PPP1R14C: variants seen among roughly 807,000 people sequenced by gnomAD.
PPP1R14C encodes the protein protein phosphatase 1 regulatory inhibitor subunit 14C, also known as protein phosphatase 1 regulatory subunit 14C.
A neutral mutation model predicts 20.4 loss-of-function variants in PPP1R14C; 16 were observed. That is an observed-to-expected ratio of 0.78 (90% confidence interval 0.53 to 1.19). The LOEUF (loss-of-function observed/expected upper bound fraction) is 1.19, where lower values mean the gene tolerates loss of function less well. PPP1R14C is among the 50% of genes most tolerant of loss of function. The pLI is 0.00. For synonymous variants in PPP1R14C, 91 were observed against 91.0 expected (o/e 1.00, Z 0.00); for missense variants, 211 against 220.1 (o/e 0.96, Z 0.26).
chr6:150,174,083 A>G (rs138103426), intron 1 of PPP1R14C, among the ~76,000 whole-genome samples: 19 of 145,674 alleles, frequency 1.3e-4, no homozygotes, highest in African/African-American at 4.5e-4. Context: ...TGCAGTGTAC[A>G]GACATGATGC....
chr6:150,241,502 A>C (rs1778430388), intron 3 of PPP1R14C, among the ~76,000 whole-genome samples: 1 of 152,198 alleles, frequency 6.6e-6, no homozygotes, highest in Non-Finnish European at 1.5e-5. Context: ...ACAACCTGGA[A>C]CCTAGAATTG....
rs1777669913 is a variant in PPP1R14C at position 150,185,765 on chromosome 6, A to G, written c.307-28979A>G. 6.6e-6 allele frequency among the ~76,000 whole-genome samples: 1 copy of G among 152,148 alleles called. No homozygotes were observed. Among genetic ancestry groups the G allele is most frequent in the South Asian group, 2.1e-4 (1 of 4,828 alleles). On this transcript the variant is annotated intron_variant, in intron 1 of 3. Transcript: ENST00000361131. This position sits in a 1 kb window ranked among gnomAD's most constrained non-coding sequence, Gnocchi z 4.1. Reference sequence around the variant, plus strand: ...CAGTGGCTTAAACCGAGCAAGTCATATTCTCACTCGTGCTGTGTAGCTTAT... The same window carrying G: ...CAGTGGCTTAAACCGAGCAAGTCATGTTCTCACTCGTGCTGTGTAGCTTAT...
At chr6:150,215,716 T>A (rs892038259) in intron 2 of PPP1R14C, among the ~76,000 whole-genome samples, 3 of 152,238 alleles carry the variant, frequency 2.0e-5, no homozygotes, top group African/African-American at 7.2e-5. Context: ...GTATCAGTTC[T>A]ATAGAAAATG....
chr6:150,206,593 C>A (rs1777953717), intron 1 of PPP1R14C, among the ~76,000 whole-genome samples: 1 of 151,932 alleles, frequency 6.6e-6, no homozygotes, highest in Admixed American at 6.6e-5. Context: ...TGGAATGTGT[C>A]TTCATGAGCA....
intron 1 of PPP1R14C, among the ~76,000 whole-genome samples, chr6:150,182,845 A>T (rs753041696): frequency 1.3e-5 from 2 of 152,314 alleles, no homozygotes; most frequent in East Asian, 3.9e-4. Context: ...ACACGCCTAG[A>T]TGGTACAGCC....
intron 1 of PPP1R14C, among the ~76,000 whole-genome samples, chr6:150,177,666 C>T (rs893036557): frequency 3.3e-5 from 5 of 152,184 alleles, no homozygotes; most frequent in African/African-American, 1.2e-4. Flanking sequence ...TCTTCTTTCC[C>T]TCATTGTTGT....
chr6:150,242,384 G>T (rs1030765017), intron 3 of PPP1R14C, among the ~76,000 whole-genome samples: 3 of 53,060 alleles, frequency 5.7e-5, no homozygotes, highest in African/African-American at 5.3e-4. Context: ...GATCAAGTGT[G>T]GTTTATCCCA....
At chr6:150,147,169 T>G (rs1201520162) in intron 1 of PPP1R14C, among the ~76,000 whole-genome samples, 1 of 151,830 alleles carries the variant, frequency 6.6e-6, no homozygotes, top group African/African-American at 2.4e-5. Context: ...TGGTGGGTTT[T>G]TTTTGTTTTG....
At chr6:150,184,466 C>T (rs1000168359) in intron 1 of PPP1R14C, among the ~76,000 whole-genome samples, 26 of 152,198 alleles carry the variant, frequency 1.7e-4, no homozygotes, top group Non-Finnish European at 3.1e-4. Flanking sequence ...TGTGTAAGTT[C>T]ACTCTGTGAT....
At chr6:150,230,302 G>T (rs1248203572) in intron 3 of PPP1R14C, among the ~76,000 whole-genome samples, 1 of 152,148 alleles carries the variant, frequency 6.6e-6, no homozygotes, top group Admixed American at 6.5e-5. Context: ...GAAGTGTCGG[G>T]TAGCTGCTTC....
intron 1 of PPP1R14C, among the ~76,000 whole-genome samples, chr6:150,162,120 T>G (rs867517417): frequency 2.6e-5 from 4 of 151,666 alleles, no homozygotes; most frequent in Admixed American, 6.6e-5. Context: ...AGTGGTGTGA[T>G]CTGAGCTCAC....
At chr6:150,151,473 C>G (rs1252878612) in intron 1 of PPP1R14C, among the ~76,000 whole-genome samples, 16 of 152,202 alleles carry the variant, frequency 1.1e-4, no homozygotes, top group Admixed American at 1.0e-3. Context: ...CTTAATCCAG[C>G]TCCTTGTAAC....
At chr6:150,207,436 A>T (rs1777967589) in intron 1 of PPP1R14C, among the ~76,000 whole-genome samples, 1 of 152,152 alleles carries the variant, frequency 6.6e-6, no homozygotes, top group African/African-American at 2.4e-5. Flanking sequence ...AGGCAAGCTC[A>T]TCTCCATGCC....
At chr6:150,202,314 C>T (rs987647595) in intron 1 of PPP1R14C, among the ~76,000 whole-genome samples, 2 of 152,228 alleles carry the variant, frequency 1.3e-5, no homozygotes, top group African/African-American at 2.4e-5. Flanking sequence ...CTGGGTCCCA[C>T]GGAAGAGGCA....
rs1475651372 is a variant in PPP1R14C, at chr6:150,185,325, T to A, written c.307-29419T>A. Among the ~76,000 whole-genome samples, 2 of 152,124 alleles carry A rather than the reference T, an allele frequency of 1.3e-5. No homozygotes were observed. The highest frequency in any genetic ancestry group is 4.8e-5 in the African/African-American group (2 of 41,400). Reference sequence around the variant, plus strand: ...AGTAGTCAGCCTGACACCGACCATGTCTCATGAAAGTCACACAGACCTGCA... The same window carrying A: ...AGTAGTCAGCCTGACACCGACCATGACTCATGAAAGTCACACAGACCTGCA... On this transcript the variant is annotated intron_variant, in intron 1 of 3. Transcript: ENST00000361131. This position sits in a 1 kb window ranked among gnomAD's most constrained non-coding sequence, Gnocchi z 4.1.
intron 1 of PPP1R14C, among the ~76,000 whole-genome samples, chr6:150,174,392 A>T (rs533060427): frequency 1.3e-5 from 2 of 150,906 alleles, no homozygotes; most frequent in Non-Finnish European, 1.5e-5. Flanking sequence ...GGTAATCTGT[A>T]TTTTTAGTAG....
intron 1 of PPP1R14C, among the ~76,000 whole-genome samples, chr6:150,181,600 TA>T (rs1057497102): frequency 6.6e-6 from 1 of 152,220 alleles, no homozygotes; most frequent in Non-Finnish European, 1.5e-5. Flanking sequence ...AATGTTTTTT[TA>T]AAAAAATTTT....
chr6:150,167,632 T>TC (rs1777438099), intron 1 of PPP1R14C, among the ~76,000 whole-genome samples: 2 of 152,158 alleles, frequency 1.3e-5, no homozygotes, highest in South Asian at 4.2e-4. Flanking sequence ...AGCCTGACAG[T>TC]AAGGGAGGAG....
chr6:150,174,088 T>C (rs767864154), intron 1 of PPP1R14C, among the ~76,000 whole-genome samples: 1 of 133,694 alleles, frequency 7.5e-6, no homozygotes, highest in Non-Finnish European at 1.5e-5. Context: ...TGTACAGACA[T>C]GATGCTTTGA....
Sources: allele counts gnomAD v4.1 joint callset (sites outside exome capture counted in the v4.1 genomes callset), GRCh38; gene constraint gnomAD v4.1.1; non-coding constraint Gnocchi (gnomAD v3.1); transcripts MANE v1.5; gene names NCBI Gene and HGNC (gene_info 2026-07-23, HGNC 2026-07-21).